The following FIRRM variants were observed in gnomAD, a reference collection of about 807,000 sequenced individuals.
FIRRM encodes the protein FIGNL1-interacting regulator of recombination and mitosis.
chr1:169,788,879 T>A, the FIRRM span, among the ~76,000 whole-genome samples: 15 of 152,286 alleles, frequency 9.8e-5, no homozygotes, highest in African/African-American at 3.6e-4. Flanking sequence ...CAAACAGAAA[T>A]AGCATTTTTG....
At chr1:169,795,122 T>G in the FIRRM span, 3 of 1,536,038 alleles carry the variant, frequency 2.0e-6, no homozygotes, top group South Asian at 1.2e-5. Flanking sequence ...GAAGGTGCGG[T>G]CCCAGCTAGC....
the FIRRM span, chr1:169,852,498 T>G: frequency 2.6e-6 from 1 of 388,852 alleles, no homozygotes; most frequent in East Asian, 4.9e-5. Flanking sequence ...TTATAAGACA[T>G]GTAAGCTTGG....
chr1:169,838,824 C>T, the FIRRM span, among the ~76,000 whole-genome samples: 1 of 152,102 alleles, frequency 6.6e-6, no homozygotes, highest in African/African-American at 2.4e-5. Flanking sequence ...GATACTTGTG[C>T]AGGTTTGTTT....
the FIRRM span, chr1:169,793,100 C>T: frequency 1.2e-6 from 2 of 1,614,106 alleles, no homozygotes; most frequent in African/African-American, 1.3e-5. Flanking sequence ...ACCTAGTAAA[C>T]CTGATCCACA....
the FIRRM span, chr1:169,793,777 C>T: frequency 7.7e-7 from 1 of 1,298,104 alleles, no homozygotes; most frequent in African/African-American, 1.5e-5. Flanking sequence ...AAATCTGCCT[C>T]AATTATTCAA....
the FIRRM span, chr1:169,805,859 C>T: frequency 1.6e-6 from 1 of 618,936 alleles, no homozygotes; most frequent in East Asian, 3.1e-5. Flanking sequence ...TTAAATAATT[C>T]TTTTGACACA....
chr1:169,824,414 C>T, the FIRRM span, among the ~76,000 whole-genome samples: 1 of 152,200 alleles, frequency 6.6e-6, no homozygotes, highest in African/African-American at 2.4e-5. Flanking sequence ...TACAAATATG[C>T]TGTTATTTTT....
chr1:169,792,864 G>C, the FIRRM span: 1 of 1,614,078 alleles, frequency 6.2e-7, no homozygotes, highest in Non-Finnish European at 8.5e-7. Flanking sequence ...TCACTACTTA[G>C]TACAAGCTTA....
the FIRRM span, among the ~76,000 whole-genome samples, chr1:169,825,858 T>G: frequency 6.6e-6 from 1 of 152,228 alleles, no homozygotes; most frequent in Non-Finnish European, 1.5e-5. Flanking sequence ...TTGTCAAGTT[T>G]ACAATTAATG....
At chr1:169,795,466 T>C in the FIRRM span, 1 of 1,282,062 alleles carries the variant, frequency 7.8e-7, no homozygotes, top group East Asian at 3.2e-5. Flanking sequence ...TAGCAGTGGA[T>C]GTGGCGTTTT....
the FIRRM span, among the ~76,000 whole-genome samples, chr1:169,789,498 T>C: frequency 3.3e-5 from 5 of 152,156 alleles, no homozygotes; most frequent in Non-Finnish European, 5.9e-5. Flanking sequence ...ACGTCGTCTG[T>C]GGGACATGAA....
At chr1:169,793,361 ATCT>A in the FIRRM span, 2 of 1,614,166 alleles carry the variant, frequency 1.2e-6, no homozygotes, top group Non-Finnish European at 8.5e-7. Flanking sequence ...ATTTTCTAAC[ATCT>A]TCTTTAAATC....
chr1:169,801,529 A>G, the FIRRM span, among the ~76,000 whole-genome samples: 1 of 150,124 alleles, frequency 6.7e-6, no homozygotes, highest in Non-Finnish European at 1.5e-5. Context: ...TTTGTAGTCA[A>G]TTTTAAATGC....
the FIRRM span, among the ~76,000 whole-genome samples, chr1:169,840,897 CAG>C: frequency 6.6e-6 from 1 of 152,096 alleles, no homozygotes; most frequent in Non-Finnish European, 1.5e-5. Context: ...TATCCTGAAA[CAG>C]ATAGTTTGAC....
the FIRRM span, chr1:169,850,556 G>A: frequency 2.4e-6 from 1 of 424,372 alleles, no homozygotes; most frequent in South Asian, 3.1e-5. Context: ...CCAGCACTTT[G>A]GGAGGCCAAG....
the FIRRM span, among the ~76,000 whole-genome samples, chr1:169,799,541 A>G: frequency 6.6e-6 from 1 of 152,028 alleles, no homozygotes; most frequent in Admixed American, 6.6e-5. Context: ...ACGTTGTGTA[A>G]TGGGACCTAA....
the FIRRM span, among the ~76,000 whole-genome samples, chr1:169,818,521 A>T: frequency 6.6e-6 from 1 of 152,260 alleles, no homozygotes; most frequent in African/African-American, 2.4e-5. Flanking sequence ...TACTTAAGTC[A>T]CATGAACTAA....
At chr1:169,844,006 T>C in the FIRRM span, among the ~76,000 whole-genome samples, 1 of 152,308 alleles carries the variant, frequency 6.6e-6, no homozygotes, top group Non-Finnish European at 1.5e-5. Context: ...GAGCAGTCAA[T>C]ACTTTTTGTT....
chr1:169,813,608 G>A, the FIRRM span, among the ~76,000 whole-genome samples: 1 of 152,192 alleles, frequency 6.6e-6, no homozygotes, highest in African/African-American at 2.4e-5. Context: ...AAAACAGAAC[G>A]TTTTATTTGG....
Sources: gnomAD v4.1 joint callset for allele counts (sites outside exome capture counted in the v4.1 genomes callset) on GRCh38, gnomAD v4.1.1 for gene constraint, MANE v1.5 for transcripts, NCBI Gene and HGNC (gene_info 2026-07-23, HGNC 2026-07-21) for gene names.